The following ROR2 variants were observed in gnomAD, a reference collection of about 807,000 sequenced individuals.
The protein encoded by ROR2 is tyrosine-protein kinase transmembrane receptor ROR2.
A neutral mutation model predicts 74.9 loss-of-function variants in ROR2; 33 were observed. That is an observed-to-expected ratio of 0.44 (90% CI 0.33 to 0.59). ROR2 has a LOEUF of 0.59. Ranked by LOEUF, ROR2 falls within the 20% of genes least tolerant of loss-of-function variation. The probability of loss-of-function intolerance (pLI) is 0.02; values close to 1 mark genes in which losing one functional copy is unlikely to be tolerated. For missense variants in ROR2, 1,216 were observed against 1,313.8 expected, an observed-to-expected ratio of 0.93 and a Z score of 1.15; for synonymous variants, 586 against 558.7, an observed-to-expected ratio of 1.05 and a Z score of -0.69.
At chr9:91,762,510 G>GA (rs1267659869) in intron 2 of ROR2, among the ~76,000 whole-genome samples, 1 of 151,886 alleles carries the variant, frequency 6.6e-6, no homozygotes, top group Non-Finnish European at 1.5e-5. Context: ...CAAACATACA[G>GA]AAAAAACACA....
chr9:91,910,871 C>T (rs1421041651), intron 1 of ROR2, among the ~76,000 whole-genome samples: 1 of 152,146 alleles, frequency 6.6e-6, no homozygotes, highest in Non-Finnish European at 1.5e-5. Context: ...ACCTTGTTGG[C>T]CAAGCTGGTC....
At chr9:91,926,854 G>T (rs1831417398) in intron 1 of ROR2, among the ~76,000 whole-genome samples, 1 of 152,160 alleles carries the variant, frequency 6.6e-6, no homozygotes. Context: ...GAATAAAGAG[G>T]TAGTGTTTCA....
chr9:91,779,368 CTTT>C (rs57414414), intron 1 of ROR2, among the ~76,000 whole-genome samples: 3,820 of 133,664 alleles, frequency 0.029, 92 homozygotes, highest in East Asian at 0.13. Flanking sequence ...TTATACTTTT[CTTT>C]TTTTTTTTTT....
chr9:91,733,137 C>T lies in ROR2; in HGVS notation c.922G>A (p.Glu308Lys), dbSNP rs761854477. Residue 308 changes from glutamate (E) to lysine (K), a missense_variant, in exon 6 of 9, where the codon GAG becomes AAG. Physicochemically the swap from Glu to Lys is moderately conservative, Grantham distance 56 (BLOSUM62 1). Coordinates refer to ENST00000375708, the MANE Select transcript of ROR2 (RefSeq NM_004560.4). The surrounding 1 kb of genome is among the most constrained non-coding windows in gnomAD (Gnocchi z 5.7). ...GGGCACTCACAGCGGCCCAGCCTCT[C>T]GGCTGGGATGCCAATGCGCATGCAG... ...ANCMRIGIPA[E>K]RLGRYHQCYN... 25 of 1,595,736 alleles carry T rather than the reference C, an allele frequency of 1.6e-5. No individual in the cohort carries two copies. The highest frequency in any genetic ancestry group is 6.8e-5 in the East Asian group (3 of 44,230).
intron 5 of ROR2, among the ~76,000 whole-genome samples, chr9:91,734,851 T>G (rs1258694605): frequency 1.3e-5 from 2 of 152,182 alleles, no homozygotes; most frequent in African/African-American, 4.8e-5. Flanking sequence ...ACTGTGCTCA[T>G]CACATCACCT....
chr9:91,911,540 C>A (rs1830982073), intron 1 of ROR2, among the ~76,000 whole-genome samples: 1 of 152,098 alleles, frequency 6.6e-6, no homozygotes, highest in Non-Finnish European at 1.5e-5. Context: ...AAATAAGCTT[C>A]AATAAATAAT....
At chr9:91,745,325 A>G (rs890862521) in intron 4 of ROR2, among the ~76,000 whole-genome samples, 3 of 150,600 alleles carry the variant, frequency 2.0e-5, no homozygotes, top group African/African-American at 7.3e-5. Context: ...GGGTTTCTCC[A>G]TGTTGGTCAG....
intron 1 of ROR2, among the ~76,000 whole-genome samples, chr9:91,900,483 C>T (rs1019634081): frequency 2.6e-5 from 4 of 152,224 alleles, no homozygotes; most frequent in African/African-American, 4.8e-5. Flanking sequence ...GACACGAGGG[C>T]GCCGGGCCTG....
intron 4 of ROR2, among the ~76,000 whole-genome samples, chr9:91,747,153 G>T (rs1825447674): frequency 6.6e-6 from 1 of 152,202 alleles, no homozygotes; most frequent in Non-Finnish European, 1.5e-5. Context: ...CAACACTGCC[G>T]CTGAGTCAGC....
intron 2 of ROR2, 95 bp from the exon 3 acceptor site, chr9:91,757,654 G>C: frequency 6.9e-7 from 1 of 1,451,422 alleles, no homozygotes; most frequent in African/African-American, 1.4e-5. Context: ...CCAAGGGAAG[G>C]TTTCGATTTT....
intron 1 of ROR2, among the ~76,000 whole-genome samples, chr9:91,899,503 T>TG (rs879351735): frequency 5.9e-5 from 9 of 152,066 alleles, no homozygotes; most frequent in Admixed American, 2.0e-4. Context: ...GGTGCACACA[T>TG]GGGGTAAAGA....
intron 4 of ROR2, among the ~76,000 whole-genome samples, chr9:91,755,754 A>C (rs1295513805): frequency 6.6e-6 from 1 of 152,202 alleles, no homozygotes; most frequent in Non-Finnish European, 1.5e-5. Flanking sequence ...CCAATGTCCT[A>C]ATGAGCCGGT....
chr9:91,861,996 T>C (rs1829482438), intron 1 of ROR2, among the ~76,000 whole-genome samples: 1 of 151,746 alleles, frequency 6.6e-6, no homozygotes, highest in African/African-American at 2.4e-5. Flanking sequence ...GCCCTAAGGG[T>C]GGGGCCCCCA....
At chr9:91,822,428 G>A (rs890805446) in intron 1 of ROR2, among the ~76,000 whole-genome samples, 4 of 152,212 alleles carry the variant, frequency 2.6e-5, no homozygotes, top group African/African-American at 9.6e-5. Flanking sequence ...AAAGGCACCT[G>A]CTTCCAGGGC....
chr9:91,802,727 G>A (rs1052658081), intron 1 of ROR2, among the ~76,000 whole-genome samples: 1 of 152,166 alleles, frequency 6.6e-6, no homozygotes, highest in African/African-American at 2.4e-5. Context: ...GTGGCACGAG[G>A]TGCGCAGAAA....
intron 1 of ROR2, among the ~76,000 whole-genome samples, chr9:91,872,301 T>C (rs565853389): frequency 1.3e-5 from 2 of 152,308 alleles, no homozygotes; most frequent in Non-Finnish European, 2.9e-5. Flanking sequence ...GGAGTTACAC[T>C]CTCAGGCTGG....
chr9:91,885,862 G>T (rs904062968), intron 1 of ROR2, among the ~76,000 whole-genome samples: 12 of 144,904 alleles, frequency 8.3e-5, no homozygotes. Flanking sequence ...GTAGCAGTAT[G>T]GTTTCCTTTT....
chr9:91,865,050 G>A (rs1829587541), intron 1 of ROR2, among the ~76,000 whole-genome samples: 1 of 152,156 alleles, frequency 6.6e-6, no homozygotes, highest in Non-Finnish European at 1.5e-5. Context: ...GTCTTCAATA[G>A]AGTTCTCTGT....
At chr9:91,765,082 C>A (rs1032949790) in intron 2 of ROR2, among the ~76,000 whole-genome samples, 5 of 152,194 alleles carry the variant, frequency 3.3e-5, no homozygotes, top group Admixed American at 1.3e-4. Context: ...TTTGTGCTTT[C>A]TGTCAATTCT....
Sources: gnomAD v4.1 joint callset for allele counts (sites outside exome capture counted in the v4.1 genomes callset) on GRCh38, gnomAD v4.1.1 for gene constraint, Gnocchi (gnomAD v3.1) non-coding constraint, MANE v1.5 for transcripts, NCBI Gene and HGNC (gene_info 2026-07-23, HGNC 2026-07-21) for gene names.